CPEB3: variants seen among roughly 807,000 people sequenced by gnomAD.
CPEB3 encodes the protein cytoplasmic polyadenylation element-binding protein 3.
CPEB3 carries 20 observed loss-of-function variants against 67.2 expected under a neutral mutation model. The observed-to-expected ratio is 0.30, with a 90% CI of 0.21 to 0.43. The LOEUF is 0.43. Ranked by LOEUF, CPEB3 falls within the 20% of genes least tolerant of loss-of-function variation. The probability of loss-of-function intolerance (pLI) is 1.00; values close to 1 mark genes in which losing one functional copy is unlikely to be tolerated. For synonymous variants in CPEB3, 376 were observed against 393.1 expected (o/e 0.96, Z 0.51); for missense variants, 746 against 968.6 (o/e 0.77, Z 3.05).
chr10:92,098,770 CTTT>C (rs984013045), intron 7 of CPEB3, among the ~76,000 whole-genome samples: 2 of 124,556 alleles, frequency 1.6e-5, no homozygotes, highest in African/African-American at 3.2e-5. Flanking sequence ...TTCTTTTTTT[CTTT>C]TTTTTTTTTT....
intron 7 of CPEB3, among the ~76,000 whole-genome samples, chr10:92,098,228 A>T (rs927234062): frequency 2.8e-5 from 4 of 143,540 alleles, no homozygotes; most frequent in Non-Finnish European, 6.0e-5. Flanking sequence ...AACTCACAGC[A>T]TTTCTAAAAT....
chr10:92,224,487 C>A (rs188990071), intron 2 of CPEB3, among the ~76,000 whole-genome samples: 124 of 152,212 alleles, frequency 8.1e-4, no homozygotes, highest in Admixed American at 6.9e-3. Context: ...TCTTGCCTAA[C>A]CCCTACCCTA....
intron 2 of CPEB3, among the ~76,000 whole-genome samples, chr10:92,236,775 AGT>A (rs753927948): frequency 6.6e-6 from 1 of 152,162 alleles, no homozygotes; most frequent in Non-Finnish European, 1.5e-5. Context: ...CATAAAATAC[AGT>A]GATTGCTTTT....
chr10:92,238,629 A>G (rs1242668990), intron 2 of CPEB3, among the ~76,000 whole-genome samples: 1 of 141,476 alleles, frequency 7.1e-6, no homozygotes, highest in African/African-American at 3.0e-5. Flanking sequence ...TACCTCCGAA[A>G]AAAAAAAAAA....
At chr10:92,071,163 T>C (rs542842383) in intron 9 of CPEB3, among the ~76,000 whole-genome samples, 1 of 152,256 alleles carries the variant, frequency 6.6e-6, no homozygotes, top group Admixed American at 6.5e-5. Context: ...CCAGATTGGC[T>C]GATTCTAGTC....
At chr10:92,265,559 C>G (rs1370016370) in intron 1 of CPEB3, among the ~76,000 whole-genome samples, 1 of 152,018 alleles carries the variant, frequency 6.6e-6, no homozygotes, top group Non-Finnish European at 1.5e-5. Flanking sequence ...GAGTTTGAGA[C>G]CAGCCCGGCC....
intron 1 of CPEB3, among the ~76,000 whole-genome samples, chr10:92,272,655 G>A (rs920058154): frequency 1.3e-5 from 2 of 152,076 alleles, no homozygotes; most frequent in Non-Finnish European, 2.9e-5. Context: ...TAGGCACTGG[G>A]GATACAGTAG....
chr10:92,248,733 C>T (rs1020461255), intron 1 of CPEB3, among the ~76,000 whole-genome samples: 5 of 152,076 alleles, frequency 3.3e-5, no homozygotes, highest in Admixed American at 2.0e-4. Flanking sequence ...ATTTGATTAC[C>T]ATCATGAAGT....
intron 6 of CPEB3, chr10:92,137,550 G>T: frequency 1.3e-6 from 1 of 768,522 alleles, no homozygotes; most frequent in East Asian, 2.5e-5. Context: ...ACCCCATTTG[G>T]ATTCCTGTCA....
intron 2 of CPEB3, among the ~76,000 whole-genome samples, chr10:92,203,508 GTA>G (rs762019168): frequency 0.023 from 2,656 of 116,518 alleles, 72 homozygotes; most frequent in African/African-American, 0.082. Flanking sequence ...ATATGTGTGT[GTA>G]TATATATATA....
At chr10:92,073,178 C>T (rs7093436) in intron 9 of CPEB3, among the ~76,000 whole-genome samples, 107,561 of 151,144 alleles carry the variant, frequency 0.71, 38,445 homozygotes, top group East Asian at 0.77. Context: ...GCTGTGACTA[C>T]AGGCATGTGC....
intron 2 of CPEB3, among the ~76,000 whole-genome samples, chr10:92,235,390 G>T (rs1419505001): frequency 6.6e-6 from 1 of 151,786 alleles, no homozygotes; most frequent in African/African-American, 2.4e-5. Context: ...AGGCTGCAGT[G>T]AGCCAACATA....
chr10:92,205,882 A>C (rs1328619334), intron 2 of CPEB3, among the ~76,000 whole-genome samples: 1 of 152,078 alleles, frequency 6.6e-6, no homozygotes, highest in African/African-American at 2.4e-5. Context: ...CTTTAACCTA[A>C]TCTTCCATTT....
At chr10:92,262,112 T>C (rs904952523) in intron 1 of CPEB3, among the ~76,000 whole-genome samples, 4 of 152,200 alleles carry the variant, frequency 2.6e-5, no homozygotes, top group Non-Finnish European at 4.4e-5. Flanking sequence ...GAGAAATAGA[T>C]ATATGCACCA....
intron 9 of CPEB3, among the ~76,000 whole-genome samples, chr10:92,078,664 A>G (rs1843025858): frequency 6.6e-6 from 1 of 152,198 alleles, no homozygotes; most frequent in African/African-American, 2.4e-5. Flanking sequence ...AGAAAAGTCA[A>G]TGGCTTTCCT....
intron 8 of CPEB3, among the ~76,000 whole-genome samples, chr10:92,082,805 T>C (rs1041237058): frequency 6.6e-6 from 1 of 152,034 alleles, no homozygotes. Flanking sequence ...TCAACACCTA[T>C]ATATAGTATT....
At chr10:92,052,965 A>G (rs1841956819) in intron 9 of CPEB3, among the ~76,000 whole-genome samples, 4 of 152,210 alleles carry the variant, frequency 2.6e-5, no homozygotes, top group Admixed American at 2.6e-4. Flanking sequence ...CCCGAGGGCA[A>G]GAGGCACAAT....
chr10:92,239,497 G>C lies in CPEB3; in HGVS notation c.854C>G (p.Pro285Arg). The change falls in exon 2 of 10, where the codon CCG becomes CGG. Residue 285 changes from proline to arginine, a missense_variant. Pro to Arg is a moderately radical substitution (Grantham distance 103). Around this residue, in one of 2 missense-constraint regions of CPEB3, gnomAD observed 643 missense variants for 717.5 expected, o/e 0.90. Transcript: ENST00000265997. The surrounding 1 kb of genome is among the most constrained non-coding windows in gnomAD (Gnocchi z 6.0). ...GVGVGVGVPSPLNPISPLKKP... is the reference protein window; with the variant it reads ...GVGVGVGVPSRLNPISPLKKP... ...TTTGAGCGGCGAGATGGGGTTGAGC[G>C]GGGAAGGCACCCCGACACCCACACC... 1.3e-6 allele frequency: 2 copies of C among 1,583,840 alleles called. No homozygotes were observed. The highest frequency in any genetic ancestry group is 8.6e-7 in the Non-Finnish European group (1 of 1,164,608).
chr10:92,233,531 T>TAAA (rs57864053), intron 2 of CPEB3, among the ~76,000 whole-genome samples: 1 of 113,424 alleles, frequency 8.8e-6, no homozygotes, highest in Non-Finnish European at 1.9e-5. Flanking sequence ...ATTCTGTCTT[T>TAAA]AAAAAAAAAA....
Sources: gnomAD v4.1 joint callset for allele counts (sites outside exome capture counted in the v4.1 genomes callset) on GRCh38, gnomAD v4.1.1 for gene constraint, gnomAD v4.1.1 regional missense constraint, Gnocchi (gnomAD v3.1) non-coding constraint, MANE v1.5 for transcripts, NCBI Gene and HGNC (gene_info 2026-07-23, HGNC 2026-07-21) for gene names.